The following NELL1 variants were observed in gnomAD, a reference collection of about 807,000 sequenced individuals.
The protein encoded by NELL1 is protein kinase C-binding protein NELL1.
Under a neutral mutation model 107.4 loss-of-function variants are expected in NELL1, and 76 were observed. The ratio of observed to expected loss-of-function variants is 0.71; its 90% CI spans 0.59 to 0.86. NELL1 has a LOEUF of 0.86. NELL1 is among the 40% of genes least tolerant of loss of function. The pLI is 0.00. For missense variants in NELL1, 1,024 were observed against 1,005.5 expected, an observed-to-expected ratio of 1.02 and a Z score of -0.25; for synonymous variants, 353 against 341.2, an observed-to-expected ratio of 1.03 and a Z score of -0.38.
intron 12 of NELL1, among the ~76,000 whole-genome samples, chr11:21,106,074 G>A (rs1185653485): frequency 6.6e-6 from 1 of 150,724 alleles, no homozygotes; most frequent in Non-Finnish European, 1.5e-5. Flanking sequence ...AAATCTGATA[G>A]ATAGCTATGT....
chr11:21,386,770 C>T (rs865833449), intron 15 of NELL1, among the ~76,000 whole-genome samples: 3 of 151,884 alleles, frequency 2.0e-5, no homozygotes, highest in Admixed American at 6.6e-5. Flanking sequence ...TCTATGCCTT[C>T]GCCTTTTGGA....
At chr11:20,829,927 G>A (rs1857970789) in intron 3 of NELL1, among the ~76,000 whole-genome samples, 3 of 152,094 alleles carry the variant, frequency 2.0e-5, no homozygotes, top group African/African-American at 2.4e-5. Flanking sequence ...AGCCTGCCAG[G>A]ATTCTTCACT....
chr11:21,537,018 G>A (rs992263919), intron 16 of NELL1, among the ~76,000 whole-genome samples: 4 of 141,574 alleles, frequency 2.8e-5, no homozygotes, highest in African/African-American at 7.7e-5. Context: ...TCAGTGAACT[G>A]GACTCCTTGG....
chr11:21,550,282 T>C (rs1029154918), intron 16 of NELL1, among the ~76,000 whole-genome samples: 1 of 151,818 alleles, frequency 6.6e-6, no homozygotes, highest in African/African-American at 2.4e-5. Context: ...TTCTCCCATT[T>C]TGTAGGTTGC....
chr11:21,299,270 T>C (rs564993084), intron 14 of NELL1, among the ~76,000 whole-genome samples: 85 of 152,158 alleles, frequency 5.6e-4, no homozygotes, highest in African/African-American at 2.0e-3. Flanking sequence ...ATTTAGCTTT[T>C]CTCTGTGTGT....
intron 2 of NELL1, among the ~76,000 whole-genome samples, chr11:20,695,967 G>C (rs1303524381): frequency 6.6e-6 from 1 of 151,846 alleles, no homozygotes; most frequent in Non-Finnish European, 1.5e-5. Context: ...AGTTGATATT[G>C]GTTTGTTCAG....
rs977064813 is a variant in NELL1, at chr11:20,803,253, G to A, written c.335+19423G>A. Among the ~76,000 whole-genome samples the A allele has an allele frequency of 6.7e-4, 102 of 152,180 alleles. 1 individual carries two copies. The highest frequency in any genetic ancestry group is 2.3e-3 in the African/African-American group (96 of 41,520). ...TCTTGTATCTCATTACATATCATTG[G>A]TCTGTTCATATTTTGGGTTTCTTCA... On this transcript the variant is annotated intron_variant, in intron 3 of 19. Coordinates refer to ENST00000357134, the MANE Select transcript of NELL1 (RefSeq NM_006157.5).
At chr11:20,937,065 A>C (rs758476093) in intron 9 of NELL1, among the ~76,000 whole-genome samples, 4 of 152,214 alleles carry the variant, frequency 2.6e-5, no homozygotes, top group Admixed American at 6.5e-5. Context: ...GGATCATATC[A>C]AATTGACATA....
intron 14 of NELL1, among the ~76,000 whole-genome samples, chr11:21,340,394 C>T (rs146976122): frequency 8.5e-5 from 13 of 152,216 alleles, no homozygotes; most frequent in African/African-American, 2.6e-4. Context: ...CCTTGTGATT[C>T]GCCTGCCTTG....
chr11:21,347,036 T>G (rs890780920), intron 14 of NELL1, among the ~76,000 whole-genome samples: 1 of 152,176 alleles, frequency 6.6e-6, no homozygotes, highest in Non-Finnish European at 1.5e-5. Context: ...AACTTAACAA[T>G]GCTGCTGCTG....
chr11:21,563,434 G>A (rs1423293605), intron 17 of NELL1, among the ~76,000 whole-genome samples: 1 of 152,026 alleles, frequency 6.6e-6, no homozygotes, highest in Non-Finnish European at 1.5e-5. Context: ...ACAATTTGCT[G>A]TGGGAACACA....
intron 14 of NELL1, among the ~76,000 whole-genome samples, chr11:21,311,132 A>G (rs1849741338): frequency 6.6e-6 from 1 of 152,146 alleles, no homozygotes; most frequent in African/African-American, 2.4e-5. Flanking sequence ...AAACTGATAC[A>G]TTTGTAAAAA....
At chr11:20,902,283 T>A (rs1369628276) in intron 5 of NELL1, among the ~76,000 whole-genome samples, 1 of 152,142 alleles carries the variant, frequency 6.6e-6, no homozygotes, top group African/African-American at 2.4e-5. Context: ...ACCTTTTTTT[T>A]TTAACTCAAT....
chr11:20,924,790 C>T (rs1178697536), intron 7 of NELL1, among the ~76,000 whole-genome samples: 1 of 152,206 alleles, frequency 6.6e-6, no homozygotes, highest in Non-Finnish European at 1.5e-5. Context: ...ATATCTGTTA[C>T]TGCCTTGTGT....
At chr11:21,341,817 G>C (rs1404417655) in intron 14 of NELL1, among the ~76,000 whole-genome samples, 2 of 152,198 alleles carry the variant, frequency 1.3e-5, no homozygotes, top group African/African-American at 4.8e-5. Flanking sequence ...AGAGCTTTTA[G>C]AGTTCCTTTA....
intron 4 of NELL1, among the ~76,000 whole-genome samples, chr11:20,859,099 C>T (rs1372314628): frequency 6.6e-6 from 1 of 152,144 alleles, no homozygotes; most frequent in African/African-American, 2.4e-5. Flanking sequence ...TGGACTAGGC[C>T]CACACCTACA....
chr11:21,180,192 A>T (rs1224341630), intron 13 of NELL1, among the ~76,000 whole-genome samples: 1 of 151,690 alleles, frequency 6.6e-6, no homozygotes, highest in East Asian at 1.9e-4. Context: ...TATATAATTA[A>T]ATTAACCTGT....
chr11:20,947,779 C>T (rs1373848689), intron 11 of NELL1, among the ~76,000 whole-genome samples: 1 of 152,046 alleles, frequency 6.6e-6, no homozygotes, highest in Non-Finnish European at 1.5e-5. Flanking sequence ...ATCATTATTA[C>T]ATTTTTCTCA....
rs11026094 is a variant in NELL1 at position 21,454,738 on chromosome 11, C to T, written c.1646-79636C>T. Among the ~76,000 whole-genome samples, 1,229 of 152,284 alleles carry T rather than the reference C, an allele frequency of 8.1e-3. 3 individuals are homozygous for T. The highest frequency in any genetic ancestry group is 0.011 in the Non-Finnish European group (755 of 68,022). On this transcript the variant is annotated intron_variant, in intron 15 of 19. Coordinates refer to ENST00000357134, the MANE Select transcript of NELL1 (RefSeq NM_006157.5). The stretch of plus-strand genomic sequence containing the variant: ...TAAAGGCCCCATTCCTCAGCTGCAG[C>T]GGGTTTCCTTCTTTCTGTGTCCTCA...
Sources: allele counts gnomAD v4.1 joint callset (sites outside exome capture counted in the v4.1 genomes callset), GRCh38; gene constraint gnomAD v4.1.1; transcripts MANE v1.5; gene names NCBI Gene and HGNC (gene_info 2026-07-23, HGNC 2026-07-21).